The following COLEC12 variants were observed in gnomAD, a reference collection of about 807,000 sequenced individuals.
COLEC12 encodes collectin-12.
Under a neutral mutation model 71.1 loss-of-function variants are expected in COLEC12, and 33 were observed. The ratio of observed to expected loss-of-function variants is 0.46; its 90% CI spans 0.35 to 0.62. COLEC12 has a LOEUF of 0.62. Among genes scored for constraint, COLEC12 ranks in the 20% least tolerant of loss-of-function variants. The pLI is 0.00. For synonymous variants in COLEC12, 350 were observed against 353.0 expected, an observed-to-expected ratio of 0.99 and a Z score of 0.10; for missense variants, 765 against 916.1, an observed-to-expected ratio of 0.84 and a Z score of 2.13.
chr18:405,607 G>A (rs1915769263), intron 2 of COLEC12, among the ~76,000 whole-genome samples: 1 of 152,184 alleles, frequency 6.6e-6, no homozygotes, highest in African/African-American at 2.4e-5. Context: ...GGGTGGGGCT[G>A]TATAAGCTGA....
chr18:320,493 TG>T (rs1913677294), intron 9 of COLEC12, among the ~76,000 whole-genome samples: 1 of 152,234 alleles, frequency 6.6e-6, no homozygotes, highest in Non-Finnish European at 1.5e-5. Context: ...AACTGTCTGT[TG>T]AATGGCAATA....
chr18:484,364 C>T (rs1917480590), intron 1 of COLEC12, among the ~76,000 whole-genome samples: 1 of 152,192 alleles, frequency 6.6e-6, no homozygotes, highest in South Asian at 2.1e-4. Context: ...TCATAAAGCA[C>T]AGGGTGGGTT....
chr18:390,878 T>TA (rs1172423299), intron 2 of COLEC12, among the ~76,000 whole-genome samples: 2 of 150,828 alleles, frequency 1.3e-5, no homozygotes, highest in Non-Finnish European at 3.0e-5. Flanking sequence ...TTGTCACTGT[T>TA]TAGCAGCAAG....
intron 2 of COLEC12, among the ~76,000 whole-genome samples, chr18:378,050 T>C (rs1677268354): frequency 6.6e-6 from 1 of 152,134 alleles, no homozygotes; most frequent in South Asian, 2.1e-4. Flanking sequence ...CCACGGGTGA[T>C]AATCCAAAAA....
chr18:481,470 C>A (rs1598379102), intron 1 of COLEC12, among the ~76,000 whole-genome samples: 2 of 152,268 alleles, frequency 1.3e-5, no homozygotes, highest in Admixed American at 1.3e-4. Flanking sequence ...TTTGGGAGGC[C>A]AAGGTGGGCA....
At chr18:469,930 TATTGATGTTGGCAAATAAAATGATCA>T in intron 2 of COLEC12, among the ~76,000 whole-genome samples, 1 of 152,308 alleles carries the variant, frequency 6.6e-6, no homozygotes, top group Non-Finnish European at 1.5e-5. Flanking sequence ...AATTAATAAG[TATTGATGTTGGCAAATAAAATGATCA>T]AGTGGGAATT....
At chr18:420,263 T>C (rs1342851427) in intron 2 of COLEC12, among the ~76,000 whole-genome samples, 1 of 152,156 alleles carries the variant, frequency 6.6e-6, no homozygotes, top group Non-Finnish European at 1.5e-5. Context: ...GATGATAAAA[T>C]GTTTGATGGC....
At chr18:431,912 C>T (rs1028205652) in intron 2 of COLEC12, among the ~76,000 whole-genome samples, 1 of 152,206 alleles carries the variant, frequency 6.6e-6, no homozygotes, top group African/African-American at 2.4e-5. Flanking sequence ...TCTCCCCTAA[C>T]TCTTACAAAA....
At chr18:467,966 T>C (rs1359768419) in intron 2 of COLEC12, among the ~76,000 whole-genome samples, 1 of 152,088 alleles carries the variant, frequency 6.6e-6, no homozygotes, top group Non-Finnish European at 1.5e-5. Flanking sequence ...TAAAAAATAA[T>C]ATATTTTAAA....
rs370958240 is a variant in COLEC12 at position 349,732 on chromosome 18, G to A, written c.182-1569C>T. Among the ~76,000 whole-genome samples the A allele has an allele frequency of 4.9e-4, 74 of 152,342 alleles. 1 individual carries two copies. The highest frequency in any genetic ancestry group is 1.6e-3 in the African/African-American group (66 of 41,586). On this transcript the variant is annotated intron_variant, in intron 3 of 9. Transcript: ENST00000400256. ...AAGACCATGGGAACCCACCTCTTGC[G>A]TCAGCATGACCGGGATGTGCGACCT...
At chr18:400,781 T>C (rs1276417131) in intron 2 of COLEC12, among the ~76,000 whole-genome samples, 3 of 152,256 alleles carry the variant, frequency 2.0e-5, no homozygotes, top group Admixed American at 6.5e-5. Flanking sequence ...CTGGCTGTTT[T>C]AAAGATGCGC....
At chr18:438,895 A>G (rs1164988102) in intron 2 of COLEC12, among the ~76,000 whole-genome samples, 1 of 152,162 alleles carries the variant, frequency 6.6e-6, no homozygotes, top group Non-Finnish European at 1.5e-5. Context: ...GACCAGAGCT[A>G]AAGTTAGGAG....
At chr18:390,430 C>T (rs1454903123) in intron 2 of COLEC12, among the ~76,000 whole-genome samples, 1 of 152,170 alleles carries the variant, frequency 6.6e-6, no homozygotes, top group African/African-American at 2.4e-5. Flanking sequence ...GGCTAAGGAT[C>T]ATTCAGCAAA....
At chr18:487,134 G>C (rs1391035983) in intron 1 of COLEC12, among the ~76,000 whole-genome samples, 5 of 152,090 alleles carry the variant, frequency 3.3e-5, no homozygotes, top group African/African-American at 1.2e-4. Context: ...ATATTATTCA[G>C]CAATAAAAAA....
At chr18:460,455 T>C (rs973137915) in intron 2 of COLEC12, among the ~76,000 whole-genome samples, 11 of 152,238 alleles carry the variant, frequency 7.2e-5, no homozygotes, top group Non-Finnish European at 1.6e-4. Context: ...AGCTAAATTA[T>C]GTTACCTGAG....
chr18:385,832 A>C (rs1348702427), intron 2 of COLEC12, among the ~76,000 whole-genome samples: 1 of 152,248 alleles, frequency 6.6e-6, no homozygotes, highest in Non-Finnish European at 1.5e-5. Flanking sequence ...ACAGAAAATT[A>C]GTAAAATGCT....
rs1340635421 is a variant in COLEC12, at chr18:316,869, A to G, written c.*3176T>C. ...AGCAACTCAGGTGCCTGAAGACCCC[A>G]TCATATTTTACTAAAACTCTCCACT... is the stretch of plus-strand genomic sequence containing the variant. On this transcript the variant is annotated 3_prime_UTR_variant, in exon 10 of 10. Coordinates refer to ENST00000400256, the MANE Select transcript of COLEC12 (RefSeq NM_130386.3). The G allele has an allele frequency of 6.6e-6, 1 of 151,886 alleles. No individual in the cohort carries two copies. The highest frequency in any genetic ancestry group is 1.9e-4 in the East Asian group (1 of 5,182). 9.4% of individuals were successfully genotyped at this position (151,886 alleles called of 1,614,324 possible).
At chr18:460,562 A>G (rs532373819) in intron 2 of COLEC12, among the ~76,000 whole-genome samples, 1 of 152,344 alleles carries the variant, frequency 6.6e-6, no homozygotes, top group Non-Finnish European at 1.5e-5. Context: ...ACACCAGTAC[A>G]TTGCGTGTGT....
chr18:393,550 G>A (rs142990054), intron 2 of COLEC12, among the ~76,000 whole-genome samples: 33 of 152,108 alleles, frequency 2.2e-4, no homozygotes, highest in Non-Finnish European at 3.5e-4. Context: ...CCATCACACC[G>A]ACCTGCAACA....
Sources: gnomAD v4.1 joint callset for allele counts (sites outside exome capture counted in the v4.1 genomes callset) on GRCh38, gnomAD v4.1.1 for gene constraint, MANE v1.5 for transcripts, NCBI Gene and HGNC (gene_info 2026-07-23, HGNC 2026-07-21) for gene names.